Variants in RAB31 observed in about 807,000 individuals in gnomAD.
RAB31 encodes RAB31, member RAS oncogene family, also known as ras-related protein Rab-31.
A neutral mutation model predicts 25.6 loss-of-function variants in RAB31; 21 were observed. That is an observed-to-expected ratio of 0.82 (90% CI 0.58 to 1.18). The LOEUF (loss-of-function observed/expected upper bound fraction) is 1.18, where lower values mean the gene tolerates loss of function less well. Among genes scored for constraint, RAB31 ranks in the 50% most tolerant of loss-of-function variants. RAB31 has a pLI of 0.00. For synonymous variants in RAB31, 87 were observed against 84.0 expected, an observed-to-expected ratio of 1.04 and a Z score of -0.20; for missense variants, 196 against 250.1, an observed-to-expected ratio of 0.78 and a Z score of 1.46.
At position 9,745,639 on chromosome 18, in the gene RAB31, C is replaced by T. The variant is rs76350948; in HGVS notation, c.40-29639C>T. On this transcript the variant is annotated intron_variant, in intron 1 of 6. Transcript: ENST00000578921. ...GCAAGGGTGGTTTGACATACTAAAACGGATCGATGTAATACACCATATTAA... is the reference window on the plus strand; with the variant it reads ...GCAAGGGTGGTTTGACATACTAAAATGGATCGATGTAATACACCATATTAA... Among the ~76,000 whole-genome samples, 82 of 152,232 alleles carry T rather than the reference C, an allele frequency of 5.4e-4. 1 individual carries two copies. The East Asian group carries it at 0.015, about 29-fold the overall frequency.
At chr18:9,847,027 C>CTCTA (rs2068765552) in intron 6 of RAB31, among the ~76,000 whole-genome samples, 1 of 152,186 alleles carries the variant, frequency 6.6e-6, no homozygotes, top group Admixed American at 6.5e-5. Context: ...AATGGCTGAA[C>CTCTA]TCTAGCAGGC....
intron 3 of RAB31, among the ~76,000 whole-genome samples, chr18:9,795,320 A>G (rs1487082676): frequency 6.6e-6 from 1 of 152,236 alleles, no homozygotes; most frequent in Admixed American, 6.5e-5. Context: ...CCTTCAAGAC[A>G]TTGACTTAGG....
intron 1 of RAB31, among the ~76,000 whole-genome samples, chr18:9,749,882 G>A (rs9951171): frequency 0.44 from 67,402 of 151,988 alleles, 14,977 homozygotes; most frequent in South Asian, 0.51. Context: ...GGCTTTATGG[G>A]TTGCCCTGCC....
chr18:9,839,133 A>G (rs1212596132), intron 5 of RAB31, among the ~76,000 whole-genome samples: 1 of 152,204 alleles, frequency 6.6e-6, no homozygotes, highest in African/African-American at 2.4e-5. Context: ...AGGAGATGGT[A>G]TGACGATAGG....
chr18:9,850,091 A>G (rs2068781598), intron 6 of RAB31, among the ~76,000 whole-genome samples: 1 of 152,218 alleles, frequency 6.6e-6, no homozygotes, highest in African/African-American at 2.4e-5. Context: ...TGGATTTCAG[A>G]AATCTTCCAG....
chr18:9,829,901 T>C (rs1030382433), intron 5 of RAB31, among the ~76,000 whole-genome samples: 1 of 152,274 alleles, frequency 6.6e-6, no homozygotes, highest in South Asian at 2.1e-4. Context: ...TAAAAAAATA[T>C]ATACTTGATG....
chr18:9,856,958 GA>G (rs2068819282), intron 6 of RAB31, among the ~76,000 whole-genome samples: 1 of 152,118 alleles, frequency 6.6e-6, no homozygotes, highest in Admixed American at 6.5e-5. Flanking sequence ...CCAAGTAGAA[GA>G]GGCATTTTGT....
At chr18:9,804,755 G>A (rs1204462729) in intron 3 of RAB31, among the ~76,000 whole-genome samples, 1 of 152,102 alleles carries the variant, frequency 6.6e-6, no homozygotes, top group Admixed American at 6.5e-5. Flanking sequence ...CAGTGAGCAC[G>A]GACCTGTGGT....
rs540379422 is a variant in RAB31 at position 9,829,117 on chromosome 18, A to C, written c.380+13895A>C. On this transcript the variant is annotated intron_variant, in intron 5 of 6. Transcript: ENST00000578921. ...TATATAAAACAAGCATATCGTAAGGAATACTGTGGTAATAAAATGAACAGC... is the reference window on the plus strand; with the variant it reads ...TATATAAAACAAGCATATCGTAAGGCATACTGTGGTAATAAAATGAACAGC... Among the ~76,000 whole-genome samples the C allele has an allele frequency of 3.1e-3, 475 of 152,336 alleles. 3 individuals carry two copies. Among genetic ancestry groups the C allele is most frequent in the Non-Finnish European group, 5.9e-3 (399 of 68,028 alleles).
intron 5 of RAB31, among the ~76,000 whole-genome samples, chr18:9,820,499 G>C (rs1055964758): frequency 2.6e-5 from 4 of 151,938 alleles, no homozygotes; most frequent in Non-Finnish European, 4.4e-5. Flanking sequence ...TTGGTATCAG[G>C]GCAATAACAG....
At chr18:9,723,509 T>C (rs1209750468) in intron 1 of RAB31, 5 of 152,238 alleles carry the variant, frequency 3.3e-5, no homozygotes, top group Non-Finnish European at 7.3e-5. Flanking sequence ...TTTTCATAGA[T>C]TAATCTTAGC....
Position 9,708,472 on chromosome 18 carries a change from GACCCCGGCCCGCGCTC to G in RAB31, c.39+29_39+44del. The G allele has an allele frequency of 6.5e-7, 1 of 1,544,148 alleles. No homozygotes were observed. ...GAGTCCTGGCCGCCACCCGCCGGCG[GACCCCGGCCCGCGCTC>G]TCGCGCCCCTTCGCTCCCCTATTCC... is the stretch of plus-strand genomic sequence containing the variant. On this transcript the variant is annotated intron_variant, in intron 1 of 6. Transcript: ENST00000578921. The surrounding 1 kb of genome is among the most constrained non-coding windows in gnomAD (Gnocchi z 6.4).
intron 5 of RAB31, among the ~76,000 whole-genome samples, chr18:9,838,345 A>G (rs531591695): frequency 3.9e-5 from 6 of 152,272 alleles, no homozygotes; most frequent in East Asian, 1.9e-4. Flanking sequence ...GCCAAAACCC[A>G]TAGTCAAGAC....
chr18:9,731,676 C>T (rs1346877638), intron 1 of RAB31, among the ~76,000 whole-genome samples: 2 of 147,084 alleles, frequency 1.4e-5, no homozygotes, highest in South Asian at 2.1e-4. Context: ...TGGCTCACTG[C>T]AGCCTCTGCC....
intron 5 of RAB31, among the ~76,000 whole-genome samples, chr18:9,836,159 TC>T (rs1178288432): frequency 6.6e-6 from 1 of 152,078 alleles, no homozygotes; most frequent in African/African-American, 2.4e-5. Flanking sequence ...GCTTAATTGG[TC>T]TTTTATGCTT....
rs78831253 is a variant in RAB31, at chr18:9,809,935, G to A, written c.202-4085G>A. Among the ~76,000 whole-genome samples the A allele has an allele frequency of 5.9e-5, 9 of 152,268 alleles. No individual in the cohort carries two copies. In the East Asian group the frequency reaches 1.3e-3, roughly 23 times the overall value. ...GCGGGCAGGGTTAATGTCCATCTGCGAAAGCTGAGCAGCCGGAGAAGCTCC... is the reference window on the plus strand; with the variant it reads ...GCGGGCAGGGTTAATGTCCATCTGCAAAAGCTGAGCAGCCGGAGAAGCTCC... On this transcript the variant is annotated intron_variant, in intron 3 of 6. Transcript: ENST00000578921.
intron 1 of RAB31, among the ~76,000 whole-genome samples, chr18:9,721,625 AAAAAG>A: frequency 6.6e-6 from 1 of 152,140 alleles, no homozygotes; most frequent in East Asian, 1.9e-4. Context: ...AAAAAAAAAA[AAAAAG>A]AAATAACTGG....
intron 1 of RAB31, among the ~76,000 whole-genome samples, chr18:9,736,099 G>A (rs2068149833): frequency 6.6e-6 from 1 of 152,022 alleles, no homozygotes; most frequent in Admixed American, 6.6e-5. Flanking sequence ...AGCCTCCTGA[G>A]TAGCCGGGAT....
chr18:9,742,486 C>T (rs1037039260), intron 1 of RAB31, among the ~76,000 whole-genome samples: 2 of 152,200 alleles, frequency 1.3e-5, no homozygotes, highest in Non-Finnish European at 2.9e-5. Flanking sequence ...CTGCTTGGCT[C>T]GGCCTGTTTC....
Sources: gnomAD v4.1 joint callset for allele counts (sites outside exome capture counted in the v4.1 genomes callset) on GRCh38, gnomAD v4.1.1 for gene constraint, Gnocchi (gnomAD v3.1) non-coding constraint, MANE v1.5 for transcripts, NCBI Gene and HGNC (gene_info 2026-07-23, HGNC 2026-07-21) for gene names.